Variants in MAP3K5 observed in about 807,000 individuals in gnomAD.
MAP3K5 encodes the protein mitogen-activated protein kinase kinase kinase 5.
MAP3K5 carries 56 observed loss-of-function variants against 158.7 expected under a neutral mutation model. The ratio of observed to expected loss-of-function variants is 0.35; its 90% CI spans 0.28 to 0.44. MAP3K5 has a LOEUF of 0.44. Ranked by LOEUF, MAP3K5 falls within the 20% of genes least tolerant of loss-of-function variation. The pLI, the probability that MAP3K5 is intolerant of heterozygous loss-of-function variation, is 1.00. For missense variants in MAP3K5, 1,294 were observed against 1,674.8 expected (o/e 0.77, Z 3.97); for synonymous variants, 579 against 601.7 (o/e 0.96, Z 0.55).
At chr6:136,638,978 C>T (rs1188533522) in intron 13 of MAP3K5, among the ~76,000 whole-genome samples, 2 of 152,098 alleles carry the variant, frequency 1.3e-5, no homozygotes, top group Non-Finnish European at 2.9e-5. Context: ...GAGAAACATA[C>T]AATGGAGAAA....
intron 23 of MAP3K5, among the ~76,000 whole-genome samples, chr6:136,585,473 C>CTTTCTTTCTTTCTTTATTTATTTA (rs562356592): frequency 5.9e-5 from 8 of 135,038 alleles, no homozygotes; most frequent in African/African-American, 1.9e-4. Context: ...CTTTTCTTTT[C>CTTTCTTTCTTTCTTTATTTATTTA]TTTATTTATT....
In MAP3K5 at chr6:136,656,336, T is replaced by C. The variant is rs1778745994; in HGVS notation, c.1651A>G (p.Lys551Glu). The C allele has an allele frequency of 6.2e-7, 1 of 1,614,030 alleles. No individual in the cohort carries two copies. Among genetic ancestry groups the C allele is most frequent in the Admixed American group, 1.7e-5 (1 of 60,018 alleles). Reference protein sequence around the residue: ...FWMDFLVEATKTDVTVVRFPV... With the variant: ...FWMDFLVEATETDVTVVRFPV... ...AACCTAACCACAGTAACATCTGTCT[T>C]TGTGGCCTCGACCAGGAAATCCATC... Residue 551 changes from lysine to glutamate, a missense_variant, in exon 10 of 30, where the codon AAG (lysine) becomes GAG (glutamate). Physicochemically the swap from Lys to Glu is moderately conservative, Grantham distance 56. Coordinates refer to ENST00000359015, the MANE Select transcript of MAP3K5 (RefSeq NM_005923.4).
intron 3 of MAP3K5, among the ~76,000 whole-genome samples, chr6:136,700,702 G>A (rs117896362): frequency 6.6e-6 from 1 of 152,236 alleles, no homozygotes; most frequent in East Asian, 1.9e-4. Flanking sequence ...CCAAAAGAGA[G>A]CTAGAAATAT....
rs185468834 is a variant in MAP3K5, at chr6:136,681,831, A to C, written c.1253+12309T>G. Among the ~76,000 whole-genome samples, 660 of 152,234 alleles carry C rather than the reference A, an allele frequency of 4.3e-3. 6 individuals are homozygous for C. Among genetic ancestry groups the C allele is most frequent in the African/African-American group, 0.015 (618 of 41,538 alleles). On this transcript the variant is annotated intron_variant, in intron 7 of 29. Transcript: ENST00000359015. The stretch of plus-strand genomic sequence containing the variant: ...CTACTTGGGAGGCTGAGGCAGGAGA[A>C]TGGCGTGAACCTGGGAGGCAGAGCT...
At chr6:136,590,415 T>C (rs1775331542) in intron 23 of MAP3K5, among the ~76,000 whole-genome samples, 1 of 152,194 alleles carries the variant, frequency 6.6e-6, no homozygotes, top group Admixed American at 6.5e-5. Context: ...AACTATTACA[T>C]ACAGCAGATC....
At chr6:136,608,245 G>C (rs574565680) in intron 18 of MAP3K5, among the ~76,000 whole-genome samples, 1 of 152,082 alleles carries the variant, frequency 6.6e-6, no homozygotes, top group South Asian at 2.1e-4. Context: ...CCACTATGAG[G>C]GTTCTGACAT....
Position 136,633,285 on chromosome 6 carries a change from G to C in MAP3K5, c.2016+4040C>G, listed in dbSNP as rs1450503540. Among the ~76,000 whole-genome samples, 3 of 152,116 alleles carry C rather than the reference G, an allele frequency of 2.0e-5. No individual in the cohort carries two copies. The East Asian group carries it at 5.8e-4, about 29-fold the overall frequency. ...ATGATGGTGGGCGTCTGTAATCCCAGCTACTCAAGAGGCTGCGGTGGGAGC... is the reference window on the plus strand; with the variant it reads ...ATGATGGTGGGCGTCTGTAATCCCACCTACTCAAGAGGCTGCGGTGGGAGC... On this transcript the variant is annotated intron_variant, in intron 14 of 29. Transcript: ENST00000359015.
chr6:136,589,180 A>T (rs1000708112), intron 23 of MAP3K5, among the ~76,000 whole-genome samples: 1 of 152,248 alleles, frequency 6.6e-6, no homozygotes, highest in African/African-American at 2.4e-5. Context: ...AGATGAGAAC[A>T]GGTAAACTGT....
intron 7 of MAP3K5, among the ~76,000 whole-genome samples, chr6:136,686,390 C>G (rs1009239111): frequency 5.3e-5 from 8 of 152,152 alleles, no homozygotes; most frequent in Admixed American, 3.3e-4. Context: ...TCTCACCACT[C>G]CTATTCAACA....
intron 14 of MAP3K5, among the ~76,000 whole-genome samples, chr6:136,629,775 A>G (rs1215657847): frequency 4.8e-5 from 1 of 20,876 alleles, no homozygotes; most frequent in East Asian, 1.4e-3. Flanking sequence ...TCATTTATTT[A>G]TTTATTTATT....
chr6:136,626,851 T>G (rs1053764426), intron 14 of MAP3K5, among the ~76,000 whole-genome samples: 15 of 152,356 alleles, frequency 9.8e-5, no homozygotes, highest in African/African-American at 2.6e-4. Context: ...TTCTGATTAC[T>G]TTCAATTTAC....
Position 136,613,158 on chromosome 6 carries a change from A to G in MAP3K5, c.2377T>C (p.Tyr793His), listed in dbSNP as rs941642148. Residue 793 changes from tyrosine to histidine, a missense_variant, in exon 17 of 30, where the codon TAT (tyrosine) becomes CAT (histidine). Physicochemically the swap from Tyr to His is moderately conservative, Grantham distance 83. Transcript: ENST00000359015. This position sits in a 1 kb window ranked among gnomAD's most constrained non-coding sequence, Gnocchi z 4.0. ...YTKQILEGLK[Y>H]LHDNQIVHRD... is the part of the protein sequence containing the mutation. ...TGAACTATCTGATTGTCATGGAGAT[A>G]TTTTAATCCTTCCAGTATTTGCTTT... 2 of 1,613,052 alleles carry G rather than the reference A, an allele frequency of 1.2e-6. No homozygotes were observed. The highest frequency in any genetic ancestry group is 2.7e-5 in the African/African-American group (2 of 75,018).
intron 25 of MAP3K5, among the ~76,000 whole-genome samples, chr6:136,579,634 G>C (rs1774778089): frequency 6.6e-6 from 1 of 152,272 alleles, no homozygotes; most frequent in Non-Finnish European, 1.5e-5. Flanking sequence ...ATGGACTCTT[G>C]GTGATGATAA....
At chr6:136,600,325 G>T (rs1775819528) in intron 21 of MAP3K5, among the ~76,000 whole-genome samples, 1 of 151,290 alleles carries the variant, frequency 6.6e-6, no homozygotes, top group Non-Finnish European at 1.5e-5. Flanking sequence ...CCTAGTAGCT[G>T]GGACCATAGG....
At chr6:136,614,511 C>G (rs1368943292) in intron 15 of MAP3K5, among the ~76,000 whole-genome samples, 1 of 152,152 alleles carries the variant, frequency 6.6e-6, no homozygotes, top group African/African-American at 2.4e-5. Flanking sequence ...TACATTAATT[C>G]ATTTCCATGA....
chr6:136,724,715 C>CT (rs1250605018), intron 1 of MAP3K5, among the ~76,000 whole-genome samples: 1 of 152,064 alleles, frequency 6.6e-6, no homozygotes, highest in African/African-American at 2.4e-5. Context: ...AAAAGGTTGG[C>CT]TTTTTTCTAT....
chr6:136,761,071 A>T (rs1783730655), intron 1 of MAP3K5, among the ~76,000 whole-genome samples: 1 of 152,138 alleles, frequency 6.6e-6, no homozygotes, highest in Non-Finnish European at 1.5e-5. Context: ...ACAGCTATTT[A>T]TGAGGAAGTG....
chr6:136,658,224 C>CT (rs1778837422), intron 9 of MAP3K5, among the ~76,000 whole-genome samples: 1 of 151,706 alleles, frequency 6.6e-6, no homozygotes, highest in East Asian at 1.9e-4. Context: ...CATGGTTAGC[C>CT]TTTTAAAATC....
At chr6:136,752,216 C>T (rs1001422815) in intron 1 of MAP3K5, among the ~76,000 whole-genome samples, 3 of 152,142 alleles carry the variant, frequency 2.0e-5, no homozygotes, top group African/African-American at 7.2e-5. Flanking sequence ...GTCATAGTCC[C>T]TGTTCTTAGG....
Sources: allele counts gnomAD v4.1 joint callset (sites outside exome capture counted in the v4.1 genomes callset), GRCh38; gene constraint gnomAD v4.1.1; non-coding constraint Gnocchi (gnomAD v3.1); transcripts MANE v1.5; gene names NCBI Gene and HGNC (gene_info 2026-07-23, HGNC 2026-07-21).